The following PARD3 variants were observed in gnomAD, a reference collection of about 807,000 sequenced individuals.
PARD3 encodes par-3 family cell polarity regulator.
PARD3 carries 75 observed loss-of-function variants against 155.4 expected under a neutral mutation model. The observed-to-expected ratio is 0.48, with a 90% CI of 0.40 to 0.58. PARD3 has a LOEUF of 0.58. Ranked by LOEUF, PARD3 falls within the 20% of genes least tolerant of loss-of-function variation. The pLI is 0.00. For missense variants in PARD3, 1,642 were observed against 1,721.7 expected (o/e 0.95, Z 0.82); for synonymous variants, 576 against 610.5 (o/e 0.94, Z 0.83).
At chr10:34,487,278 T>A (rs1422260471) in intron 3 of PARD3, among the ~76,000 whole-genome samples, 14 of 152,186 alleles carry the variant, frequency 9.2e-5, no homozygotes, top group Admixed American at 9.2e-4. Flanking sequence ...GAAATCATGC[T>A]TGACTTCACT....
At chr10:34,304,893 A>G (rs1262843961) in intron 20 of PARD3, among the ~76,000 whole-genome samples, 1 of 152,250 alleles carries the variant, frequency 6.6e-6, no homozygotes, top group Non-Finnish European at 1.5e-5. Context: ...TTAAAAAGTC[A>G]GAATGACCAA....
chr10:34,758,156 C>T (rs1391448605), intron 1 of PARD3, among the ~76,000 whole-genome samples: 2 of 152,174 alleles, frequency 1.3e-5, no homozygotes, highest in African/African-American at 4.8e-5. Flanking sequence ...AAACCTCATG[C>T]AATCAGGGCT....
At chr10:34,463,499 CA>C (rs1404926001) in intron 4 of PARD3, among the ~76,000 whole-genome samples, 2 of 152,180 alleles carry the variant, frequency 1.3e-5, no homozygotes, top group East Asian at 3.9e-4. Flanking sequence ...AAGATATTTT[CA>C]GTTATATTTT....
chr10:34,290,416 GGT>G (rs2133965407), intron 20 of PARD3, among the ~76,000 whole-genome samples: 1 of 152,214 alleles, frequency 6.6e-6, no homozygotes, highest in South Asian at 2.1e-4. Flanking sequence ...TAATTACCTA[GGT>G]CTTCATGTCT....
intron 22 of PARD3, among the ~76,000 whole-genome samples, chr10:34,141,994 A>G (rs1027119099): frequency 1.3e-5 from 2 of 152,222 alleles, no homozygotes; most frequent in Non-Finnish European, 2.9e-5. Context: ...CAAACTAATT[A>G]TCAAGGTTTT....
At position 34,469,963 on chromosome 10, in the gene PARD3, C is replaced by T. The variant is rs1247283430; in HGVS notation, c.582+122G>A. 8.7e-6 allele frequency: 6 copies of T among 688,232 alleles called. No individual in the cohort carries two copies. The East Asian group carries it at 1.1e-4, about 13-fold the overall frequency. The allele number at this position is 688,232 out of a possible 1,614,324, so 42.6% of individuals were successfully genotyped here. On this transcript the variant is annotated intron_variant, in intron 4 of 24. Transcript: ENST00000374788. ...TTGATATGAAAGTTGGTACCACGCT[C>T]ACAAAAGGCCATCATGAAGATGCCC...
intron 22 of PARD3, among the ~76,000 whole-genome samples, chr10:34,190,894 C>T (rs1950676816): frequency 6.6e-6 from 1 of 151,938 alleles, no homozygotes; most frequent in African/African-American, 2.4e-5. Context: ...ATATAAATGG[C>T]AGCATGGCAT....
intron 1 of PARD3, among the ~76,000 whole-genome samples, chr10:34,808,748 C>T (rs957283633): frequency 1.3e-5 from 2 of 152,202 alleles, no homozygotes; most frequent in African/African-American, 4.8e-5. Context: ...ACGGAGGATC[C>T]GTCTGTGGGT....
chr10:34,606,050 A>T (rs944805523), intron 2 of PARD3, among the ~76,000 whole-genome samples: 10 of 142,966 alleles, frequency 7.0e-5, no homozygotes, highest in Non-Finnish European at 1.1e-4. Flanking sequence ...TATCTTCTAT[A>T]TATATATATG....
intron 2 of PARD3, among the ~76,000 whole-genome samples, chr10:34,530,355 T>C (rs1348557399): frequency 6.6e-6 from 1 of 152,180 alleles, no homozygotes; most frequent in Non-Finnish European, 1.5e-5. Context: ...AAGTCAAAAA[T>C]AGTCTTGAAT....
chr10:34,422,546 T>G (rs1176949397), intron 5 of PARD3, among the ~76,000 whole-genome samples: 1 of 151,320 alleles, frequency 6.6e-6, no homozygotes, highest in African/African-American at 2.4e-5. Flanking sequence ...GAGATTAATA[T>G]CCAAAATAAA....
intron 1 of PARD3, among the ~76,000 whole-genome samples, chr10:34,806,887 C>T (rs940862327): frequency 1.2e-4 from 19 of 152,178 alleles, no homozygotes; most frequent in African/African-American, 4.6e-4. Flanking sequence ...GGGAGTCCAG[C>T]CCAGCACCTC....
intron 2 of PARD3, among the ~76,000 whole-genome samples, chr10:34,688,687 G>T (rs1342701109): frequency 6.6e-6 from 1 of 151,994 alleles, no homozygotes; most frequent in Non-Finnish European, 1.5e-5. Flanking sequence ...AACAAATTTG[G>T]GTAAATCCTG....
intron 22 of PARD3, among the ~76,000 whole-genome samples, chr10:34,200,882 T>C (rs933266262): frequency 1.2e-4 from 18 of 152,358 alleles, no homozygotes; most frequent in Middle Eastern, 3.4e-3. Flanking sequence ...TGTTCCTGCA[T>C]CAGCTTCTGC....
chr10:34,277,216 A>G (rs1029162152), intron 21 of PARD3, among the ~76,000 whole-genome samples: 5 of 152,184 alleles, frequency 3.3e-5, no homozygotes, highest in African/African-American at 7.2e-5. Context: ...TTAAGCTACA[A>G]AACAACTGGA....
At chr10:34,374,371 G>T (rs1339780174) in intron 11 of PARD3, among the ~76,000 whole-genome samples, 1 of 152,128 alleles carries the variant, frequency 6.6e-6, no homozygotes, top group African/African-American at 2.4e-5. Context: ...TAGCCATGAG[G>T]CTTATTGCCA....
chr10:34,112,597 G>A (rs1009079211), intron 24 of PARD3, among the ~76,000 whole-genome samples: 2 of 152,062 alleles, frequency 1.3e-5, no homozygotes, highest in Non-Finnish European at 2.9e-5. Flanking sequence ...ATCATTTGGC[G>A]ACAGTATGTA....
chr10:34,508,813 A>T (rs112444562), intron 3 of PARD3, among the ~76,000 whole-genome samples: 1,657 of 152,268 alleles, frequency 0.011, 29 homozygotes, highest in African/African-American at 0.038. Context: ...CAACCTCTTT[A>T]CACATCCCCA....
intron 22 of PARD3, among the ~76,000 whole-genome samples, chr10:34,187,139 G>A (rs1293133343): frequency 2.0e-5 from 3 of 152,144 alleles, no homozygotes; most frequent in Non-Finnish European, 4.4e-5. Flanking sequence ...GGTCCCAGGG[G>A]TACATGGGGG....
Sources: allele counts gnomAD v4.1 joint callset (sites outside exome capture counted in the v4.1 genomes callset), GRCh38; gene constraint gnomAD v4.1.1; transcripts MANE v1.5; gene names NCBI Gene and HGNC (gene_info 2026-07-23, HGNC 2026-07-21).